HORMAD1: variants seen among roughly 807,000 people sequenced by gnomAD.
HORMAD1 encodes HORMA domain containing 1.
HORMAD1 carries 33 observed loss-of-function variants against 58.2 expected under a neutral mutation model. The ratio of observed to expected loss-of-function variants is 0.57; its 90% confidence interval spans 0.43 to 0.76. The LOEUF (loss-of-function observed/expected upper bound fraction) is 0.76, where lower values mean the gene tolerates loss of function less well. Among genes scored for constraint, HORMAD1 ranks in the 30% least tolerant of loss-of-function variants. The pLI, the probability that HORMAD1 is intolerant of heterozygous loss-of-function variation, is 0.00. For missense variants in HORMAD1, 363 were observed against 462.0 expected, an observed-to-expected ratio of 0.79 and a Z score of 1.96; for synonymous variants, 137 against 144.6, an observed-to-expected ratio of 0.95 and a Z score of 0.38.
At chr1:150,716,612 A>G (rs951917212) in intron 3 of HORMAD1, among the ~76,000 whole-genome samples, 1 of 151,972 alleles carries the variant, frequency 6.6e-6, no homozygotes, top group Non-Finnish European at 1.5e-5. Flanking sequence ...CTTGGGATGA[A>G]GAAATGTTCT....
chr1:150,700,570 A>C (rs1361826804), intron 13 of HORMAD1, among the ~76,000 whole-genome samples: 4 of 152,166 alleles, frequency 2.6e-5, no homozygotes, highest in Admixed American at 2.6e-4. Flanking sequence ...CCATCACTAC[A>C]ATCAATTTTA....
At chr1:150,714,518 C>A in intron 4 of HORMAD1, 97 bp downstream of exon 4, 2 of 518,138 alleles carry the variant, frequency 3.9e-6, no homozygotes, top group Non-Finnish European at 6.7e-6. Context: ...AAGGGTGATT[C>A]ACTAAAATTT....
intron 13 of HORMAD1, among the ~76,000 whole-genome samples, chr1:150,703,087 A>T (rs1651583445): frequency 1.3e-5 from 2 of 152,190 alleles, no homozygotes; most frequent in African/African-American, 4.8e-5. Flanking sequence ...TCAGACTTCT[A>T]TAATGGCTCT....
chr1:150,707,219 T>C (rs1257839514), intron 9 of HORMAD1, among the ~76,000 whole-genome samples: 1 of 152,212 alleles, frequency 6.6e-6, no homozygotes, highest in Non-Finnish European at 1.5e-5. Flanking sequence ...ATGCATATAA[T>C]AAAAGATATT....
intron 5 of HORMAD1, chr1:150,713,870 A>T: frequency 1.9e-6 from 1 of 533,620 alleles, no homozygotes. Flanking sequence ...TGTTAAAAAA[A>T]CTAGCTTGGA....
Position 150,704,164 on chromosome 1 carries a change from A to T in HORMAD1, c.902T>A (p.Ile301Asn). The change falls in exon 12 of 15, where the codon ATT becomes AAT. Residue 301 changes from isoleucine (I) to asparagine (N), a missense_variant. By Grantham distance (149) the Ile-to-Asn change is moderately radical. This residue lies in a region of HORMAD1 where 226 missense variants were observed against 257.8 expected (regional missense o/e 0.88). Transcript: ENST00000361824. ...ATCTGGACTTTCTTTAGACCTCATA[A>T]TTTCATCTTCCTCACAAACTAAACT... is the stretch of plus-strand genomic sequence containing the variant. Reference protein sequence around the residue: ...EPSLVCEEDEIMRSKESPDLS... With the variant: ...EPSLVCEEDENMRSKESPDLS... 6.3e-7 allele frequency: 1 copy of T among 1,592,086 alleles called. No individual in the cohort carries two copies. Among genetic ancestry groups the T allele is most frequent in the Non-Finnish European group, 8.6e-7 (1 of 1,169,092 alleles).
intron 10 of HORMAD1, 150 bp from the exon 11 acceptor site, chr1:150,704,493 A>T (rs1032452283): frequency 4.9e-6 from 3 of 608,434 alleles, no homozygotes; most frequent in Non-Finnish European, 8.5e-6. Context: ...TGCTTGTATT[A>T]CTAGCACTTT....
chr1:150,698,924 G>C (rs1431257834), intron 14 of HORMAD1, 190 bp from the exon 15 acceptor site: 5 of 440,254 alleles, frequency 1.1e-5, no homozygotes, highest in Non-Finnish European at 2.1e-5. Context: ...AATGGCTGCT[G>C]AAAGTATGTA....
intron 13 of HORMAD1, 69 bp from the exon 14 acceptor site, chr1:150,700,252 C>A: frequency 1.2e-6 from 1 of 842,174 alleles, no homozygotes; most frequent in Non-Finnish European, 2.0e-6. Context: ...ATTTTTCAAT[C>A]TTATGCAACG....
intron 9 of HORMAD1, among the ~76,000 whole-genome samples, chr1:150,707,917 C>G (rs1651748300): frequency 6.6e-6 from 1 of 152,154 alleles, no homozygotes. Context: ...GCCTGGGAGA[C>G]AGAGCAAGAC....
At chr1:150,707,659 G>C (rs940586782) in intron 9 of HORMAD1, among the ~76,000 whole-genome samples, 2 of 152,178 alleles carry the variant, frequency 1.3e-5, no homozygotes, top group African/African-American at 4.8e-5. Context: ...TGCTCAGCCG[G>C]GTGCTGTGGC....
At position 150,708,373 on chromosome 1, in the gene HORMAD1, T is replaced by C. The variant is rs375534263; in HGVS notation, c.430A>G (p.Thr144Ala). Residue 144 changes from threonine to alanine, a missense_variant, in exon 9 of 15, where the codon ACT (threonine) becomes GCT (alanine). Transcript: ENST00000361824. ...NQSNESSMLS[T>A]DTKKASILLI... ...AGAATGCTTGCTTTCTTGGTGTCAG[T>C]AGACAACATGCTAGATTCGTTGCTT... 5,953 of 1,608,718 alleles carry C rather than the reference T, an allele frequency of 3.7e-3. 239 individuals are homozygous for C. The South Asian group carries it at 0.063, about 17-fold the overall frequency.
chr1:150,720,535 G>A (rs587603065), intron 1 of HORMAD1, among the ~76,000 whole-genome samples: 83 of 152,272 alleles, frequency 5.5e-4, no homozygotes, highest in South Asian at 3.5e-3. Flanking sequence ...AATTCAGCTG[G>A]AAGAGTTTAC....
At chr1:150,704,401 G>T in intron 10 of HORMAD1, 58 bp from the exon 11 acceptor site, 1 of 1,084,126 alleles carries the variant, frequency 9.2e-7, no homozygotes, top group South Asian at 1.4e-5. Context: ...TAAAACAACT[G>T]AGCAGAAAGC....
At chr1:150,705,559 C>T (rs1236237094) in intron 10 of HORMAD1, among the ~76,000 whole-genome samples, 1 of 151,674 alleles carries the variant, frequency 6.6e-6, no homozygotes, top group African/African-American at 2.4e-5. Context: ...AAAAACTCTT[C>T]AGAGAGTTAT....
intron 7 of HORMAD1, among the ~76,000 whole-genome samples, chr1:150,710,333 T>C (rs2101870175): frequency 6.6e-6 from 1 of 152,262 alleles, no homozygotes; most frequent in Non-Finnish European, 1.5e-5. Flanking sequence ...GGCAAGCCAC[T>C]TAAGCCTTAG....
chr1:150,716,855 C>G (rs185339647), intron 3 of HORMAD1, among the ~76,000 whole-genome samples: 2 of 148,948 alleles, frequency 1.3e-5, no homozygotes, highest in East Asian at 2.0e-4. Context: ...CCCAGCTACT[C>G]GTGAGGCTGA....
At chr1:150,716,256 G>A (rs975473928) in intron 3 of HORMAD1, among the ~76,000 whole-genome samples, 1 of 142,030 alleles carries the variant, frequency 7.0e-6, no homozygotes, top group African/African-American at 2.7e-5. Flanking sequence ...TCCGCCTCCC[G>A]GGTTCAAGCG....
intron 7 of HORMAD1, among the ~76,000 whole-genome samples, chr1:150,710,217 A>G (rs1651832310): frequency 6.6e-6 from 1 of 151,728 alleles, no homozygotes; most frequent in Non-Finnish European, 1.5e-5. Context: ...CCCTTCAGTT[A>G]TTTATACCAC....
Sources: gnomAD v4.1 joint callset for allele counts (sites outside exome capture counted in the v4.1 genomes callset) on GRCh38, gnomAD v4.1.1 for gene constraint, gnomAD v4.1.1 regional missense constraint, MANE v1.5 for transcripts, NCBI Gene and HGNC (gene_info 2026-07-23, HGNC 2026-07-21) for gene names.